Variants in LAMA1 observed in about 807,000 individuals in gnomAD.
LAMA1 encodes laminin subunit alpha 1, also known as laminin subunit alpha-1.
A neutral mutation model predicts 348.7 loss-of-function variants in LAMA1; 219 were observed. The ratio of observed to expected loss-of-function variants is 0.63; its 90% CI spans 0.56 to 0.70. The LOEUF (loss-of-function observed/expected upper bound fraction) is 0.70. LAMA1 is among the 30% of genes least tolerant of loss of function. LAMA1 has a pLI of 0.00. For missense variants in LAMA1, 3,744 were observed against 3,888.0 expected (o/e 0.96, Z 0.99); for synonymous variants, 1,487 against 1,491.0 (o/e 1.00, Z 0.06).
rs372203316 is a variant in LAMA1 at position 7,032,104 on chromosome 18, C to T, written c.2236G>A (p.Gly746Ser). 14 of 1,614,050 alleles carry T rather than the reference C, an allele frequency of 8.7e-6. No individual in the cohort carries two copies. The highest frequency in any genetic ancestry group is 3.3e-5 in the South Asian group (3 of 91,082). ...TGAACATTACACTCAGCTGCATGGC[C>T]GTGGCATTCACAGGGTTGACAAATT... ...GGICQPCECH[G>S]HAAECNVHGV... Residue 746 changes from glycine to serine, a missense_variant, in exon 16 of 63, where the codon GGC becomes AGC. Physicochemically the swap from Gly to Ser is moderately conservative, Grantham distance 56. This residue lies in a region of LAMA1 where 1,529 missense variants were observed against 1,689.4 expected (regional missense o/e 0.91). Transcript: ENST00000389658.
rs532224307 is a variant in LAMA1 at position 7,043,245 on chromosome 18, T to A, written c.1137A>T (p.Gly379=). Reference sequence around the variant, plus strand: ...CTCTTACTTTGTGTGGTCTATAATATCCATCAATACAGGTTTCACAGTTGA... The same window carrying A: ...CTCTTACTTTGTGTGGTCTATAATAACCATCAATACAGGTTTCACAGTTGA... ...MGINCETCID[G]YYRPHKVSPY... Residue 379 remains glycine, a synonymous_variant, in exon 8 of 63, where the codon GGA becomes GGT. Transcript: ENST00000389658. 1.2e-6 allele frequency: 2 copies of A among 1,614,124 alleles called. No individual in the cohort carries two copies. Among genetic ancestry groups the A allele is most frequent in the African/African-American group, 2.7e-5 (2 of 75,054 alleles).
At chr18:7,054,196 T>A (rs2058072805) in intron 3 of LAMA1, among the ~76,000 whole-genome samples, 1 of 152,168 alleles carries the variant, frequency 6.6e-6, no homozygotes, top group African/African-American at 2.4e-5. Context: ...AACTATCATA[T>A]ATCACCTCCA....
chr18:6,965,338 T>A lies in LAMA1; in HGVS notation c.7145A>T (p.Tyr2382Phe). ...AATTTTGTACCAGGTTCCATTGTTATAACGTCTGTCTGTCAAAAGGGTAAT... is the reference window on the plus strand; with the variant it reads ...AATTTTGTACCAGGTTCCATTGTTAAAACGTCTGTCTGTCAAAAGGGTAAT... ...GPITLLTDRR[Y>F]NNGTWYKIAF... is the part of the protein sequence containing the mutation. The change falls in exon 50 of 63, where the codon TAT becomes TTT. Residue 2382 changes from tyrosine to phenylalanine, a missense_variant. By Grantham distance (22) the Tyr-to-Phe change is conservative. Transcript: ENST00000389658. The A allele has an allele frequency of 6.2e-7, 1 of 1,614,248 alleles. No individual in the cohort carries two copies. The highest frequency in any genetic ancestry group is 1.1e-5 in the South Asian group (1 of 91,090).
chr18:7,093,191 C>T (rs559793444), intron 1 of LAMA1, among the ~76,000 whole-genome samples: 10 of 152,150 alleles, frequency 6.6e-5, no homozygotes, highest in East Asian at 1.9e-4. Flanking sequence ...CCGAGGCGGG[C>T]GGATCACGAG....
rs752558115 is a variant in LAMA1 at position 7,011,321 on chromosome 18, C to T, written c.3666G>A (p.Pro1222=). 7.5e-6 allele frequency: 12 copies of T among 1,607,340 alleles called. 1 individual carries two copies. Among genetic ancestry groups the T allele is most frequent in the African/African-American group, 2.7e-5 (2 of 74,936 alleles). Residue 1222 remains proline (P), a synonymous_variant, in exon 25 of 63, where the codon CCG becomes CCA. Transcript: ENST00000389658. ...TCACCTGGTCTCCTTGGAACTGCTG[C>T]GGCAGCCGCCAGTAAAACGGCTCTG... ...IRAEPFYWRL[P]QQFQGDQLMA...
chr18:6,982,741 G>A (rs1433199254), intron 40 of LAMA1, 151 bp from the exon 41 acceptor site: 2 of 730,452 alleles, frequency 2.7e-6, no homozygotes, highest in Non-Finnish European at 4.9e-6. Flanking sequence ...TAAAATGGCT[G>A]AGGCAAGAGA....
Position 7,043,279 on chromosome 18 carries a change from G to A in LAMA1, c.1103C>T (p.Thr368Ile), listed in dbSNP as rs374102814. The change falls in exon 8 of 63, where the codon ACC (threonine) becomes ATC (isoleucine). Residue 368 changes from threonine (T) to isoleucine (I), a missense_variant. Coordinates refer to ENST00000389658, the MANE Select transcript of LAMA1 (RefSeq NM_005559.4). ...GGVCINCLQN[T>I]MGINCETCID... Reference sequence around the variant, plus strand: ...ACAGGTTTCACAGTTGATTCCCATGGTGTTCTGCAAGCAATTTATGCAAAC... The same window carrying A: ...ACAGGTTTCACAGTTGATTCCCATGATGTTCTGCAAGCAATTTATGCAAAC... The A allele has an allele frequency of 1.1e-5, 17 of 1,613,992 alleles. No homozygotes were observed. The African/African-American group carries it at 1.3e-4, about 13-fold the overall frequency.
rs866606968 is a variant in LAMA1, at chr18:7,007,162, C to T, written c.4237G>A (p.Asp1413Asn). The T allele has an allele frequency of 6.2e-7, 1 of 1,614,106 alleles. No individual in the cohort carries two copies. The highest frequency in any genetic ancestry group is 8.5e-7 in the Non-Finnish European group (1 of 1,180,028). ...CSCNNHSDTC[D>N]PNTGKCLNCG... ...ACCAGACACTTCCCGGTGTTGGGGT[C>T]ACAGGTGTCACTGTGGTTGTTGCAA... is the stretch of plus-strand genomic sequence containing the variant. The change falls in exon 29 of 63, where the codon GAC (aspartate) becomes AAC (asparagine). Residue 1413 changes from aspartate to asparagine, a missense_variant. Physicochemically the swap from Asp to Asn is conservative, Grantham distance 23. Coordinates refer to ENST00000389658, the MANE Select transcript of LAMA1 (RefSeq NM_005559.4).
intron 45 of LAMA1, 67 bp downstream of exon 45, chr18:6,975,870 G>T: frequency 1.2e-6 from 2 of 1,600,026 alleles, no homozygotes; most frequent in Non-Finnish European, 1.7e-6. Flanking sequence ...TCAAATAAGT[G>T]AAAATTCAGA....
intron 33 of LAMA1, among the ~76,000 whole-genome samples, chr18:6,996,982 G>A (rs2057783957): frequency 6.6e-6 from 1 of 152,164 alleles, no homozygotes; most frequent in African/African-American, 2.4e-5. Context: ...CTTTAGTGCA[G>A]TGAAGAATAA....
At chr18:6,980,158 A>G (rs901821305) in intron 42 of LAMA1, among the ~76,000 whole-genome samples, 6 of 152,142 alleles carry the variant, frequency 3.9e-5, no homozygotes, top group Admixed American at 3.9e-4. Context: ...TGAATCTGGC[A>G]TTTTCCCCTT....
rs1236878108 is a variant in LAMA1, at chr18:6,985,535, C to A, written c.5488G>T (p.Ala1830Ser). 6.2e-7 allele frequency: 1 copy of A among 1,613,932 alleles called. No homozygotes were observed. The highest frequency in any genetic ancestry group is 8.5e-7 in the Non-Finnish European group (1 of 1,179,818). ...AAAQTDAVQD[A>S]LEHLEDHQDK... ...GCTGAGATGTAATTTACCTCTAGAGCATCTTGTACAGCATCTGTTTGTGCA... is the reference window on the plus strand; with the variant it reads ...GCTGAGATGTAATTTACCTCTAGAGAATCTTGTACAGCATCTGTTTGTGCA... The change falls in exon 38 of 63, where the codon GCT (alanine) becomes TCT (serine). Residue 1830 changes from alanine to serine, a missense_variant. This residue lies in a region of LAMA1 where 1,983 missense variants were observed against 1,934.3 expected (regional missense o/e 1.03). Coordinates refer to ENST00000389658, the MANE Select transcript of LAMA1 (RefSeq NM_005559.4).
chr18:7,057,830 T>C (rs2058088341), intron 3 of LAMA1, among the ~76,000 whole-genome samples: 1 of 151,450 alleles, frequency 6.6e-6, no homozygotes, highest in South Asian at 2.1e-4. Flanking sequence ...AGTCTCACTC[T>C]GTTGCCCAGG....
chr18:6,941,838 TAA>T lies in LAMA1; in HGVS notation c.*239_*240del. On this transcript the variant is annotated 3_prime_UTR_variant, in exon 63 of 63. Coordinates refer to ENST00000389658, the MANE Select transcript of LAMA1 (RefSeq NM_005559.4). ...TAATCAACAGAACATTCAATGTGTA[TAA>T]AGATTTTTTTAAAAATACGTTTAAA... 1.9e-6 allele frequency: 1 copy of T among 519,822 alleles called. No individual in the cohort carries two copies. Among genetic ancestry groups the T allele is most frequent in the Non-Finnish European group, 3.5e-6 (1 of 289,804 alleles). The allele number at this position is 519,822 out of a possible 1,614,324, so 32.2% of individuals were successfully genotyped here. A position where few individuals can be genotyped will look rare whatever the true frequency, so the allele number is the denominator to read the frequency against.
intron 1 of LAMA1, among the ~76,000 whole-genome samples, chr18:7,082,944 C>T (rs1188234884): frequency 7.0e-6 from 1 of 142,548 alleles, no homozygotes; most frequent in Non-Finnish European, 1.5e-5. Context: ...CCCACTACCT[C>T]CCAATCTGAG....
intron 47 of LAMA1, 29 bp downstream of exon 47, chr18:6,973,028 C>T (rs781028292): frequency 1.9e-6 from 3 of 1,613,210 alleles, no homozygotes; most frequent in Non-Finnish European, 2.5e-6. Context: ...GTCAATCAGT[C>T]CTGTTCAGAA....
intron 57 of LAMA1, among the ~76,000 whole-genome samples, chr18:6,953,489 G>C (rs1245945641): frequency 6.6e-6 from 1 of 152,148 alleles, no homozygotes; most frequent in African/African-American, 2.4e-5. Flanking sequence ...TTAGGTACTA[G>C]CCGAGGTTTC....
chr18:6,971,646 G>A (rs1040094230), intron 48 of LAMA1, among the ~76,000 whole-genome samples: 2 of 151,944 alleles, frequency 1.3e-5, no homozygotes, highest in African/African-American at 4.8e-5. Context: ...ATATAATGTA[G>A]ATTGGTATAA....
chr18:7,029,685 C>T (rs1159946828), intron 16 of LAMA1, among the ~76,000 whole-genome samples: 3 of 152,016 alleles, frequency 2.0e-5, no homozygotes, highest in South Asian at 2.1e-4. Flanking sequence ...AAACATCTTT[C>T]GATTGAAAAA....
Sources: allele counts gnomAD v4.1 joint callset (sites outside exome capture counted in the v4.1 genomes callset), GRCh38; gene constraint gnomAD v4.1.1; regional missense constraint gnomAD v4.1.1; transcripts MANE v1.5; gene names NCBI Gene and HGNC (gene_info 2026-07-23, HGNC 2026-07-21).